C12orf42: variants seen among roughly 807,000 people sequenced by gnomAD.
C12orf42 encodes the protein chromosome 12 open reading frame 42.
A neutral mutation model predicts 21.6 loss-of-function variants in C12orf42; 25 were observed. The observed-to-expected ratio is 1.16, with a 90% confidence interval of 0.84 to 1.62. The LOEUF (loss-of-function observed/expected upper bound fraction) is 1.62, where lower values mean the gene tolerates loss of function less well. Ranked by LOEUF, C12orf42 falls within the 40% of genes most tolerant of loss-of-function variation. The pLI, the probability that C12orf42 is intolerant of heterozygous loss-of-function variation, is 0.00. For missense variants in C12orf42, 483 were observed against 459.3 expected (o/e 1.05, Z -0.47); for synonymous variants, 174 against 175.0 (o/e 0.99, Z 0.05).
intron 2 of C12orf42, among the ~76,000 whole-genome samples, chr12:103,427,396 T>C (rs192403897): frequency 2.0e-5 from 3 of 148,618 alleles, no homozygotes; most frequent in East Asian, 2.0e-4. Context: ...CATTATATCA[T>C]GGTAACGGGA....
intron 2 of C12orf42, among the ~76,000 whole-genome samples, chr12:103,459,049 G>C (rs749365415): frequency 6.6e-6 from 1 of 152,034 alleles, no homozygotes; most frequent in Non-Finnish European, 1.5e-5. Context: ...AAAGAAGAAA[G>C]GGTGTATGGA....
At chr12:103,370,647 C>A (rs1363977435) in intron 3 of C12orf42, among the ~76,000 whole-genome samples, 1 of 152,080 alleles carries the variant, frequency 6.6e-6, no homozygotes, top group Non-Finnish European at 1.5e-5. Flanking sequence ...CTAAATACCA[C>A]ATGTTCTCAC....
At chr12:103,319,204 C>A (rs2039835217) in intron 4 of C12orf42, among the ~76,000 whole-genome samples, 1 of 152,194 alleles carries the variant, frequency 6.6e-6, no homozygotes, top group Admixed American at 6.5e-5. Context: ...ATTCAGGAAA[C>A]CAACCCTTCA....
At chr12:103,294,616 G>GAAAGAAAGAA (rs1555246074) in intron 4 of C12orf42, among the ~76,000 whole-genome samples, 12 of 137,214 alleles carry the variant, frequency 8.7e-5, no homozygotes, top group Non-Finnish European at 1.7e-4. Flanking sequence ...AAGAAAGAAA[G>GAAAGAAAGAA]AAAGAAAGAA....
At chr12:103,434,708 C>T (rs1950535072) in intron 2 of C12orf42, among the ~76,000 whole-genome samples, 3 of 152,206 alleles carry the variant, frequency 2.0e-5, no homozygotes, top group Admixed American at 6.5e-5. Flanking sequence ...TAAAAAACAC[C>T]GCACCACGAG....
At chr12:103,353,255 T>A (rs570436629) in intron 4 of C12orf42, among the ~76,000 whole-genome samples, 21 of 150,848 alleles carry the variant, frequency 1.4e-4, no homozygotes, top group African/African-American at 4.6e-4. Context: ...ATAGAAAATG[T>A]CACCCCTTTT....
At chr12:103,313,575 T>A (rs959705995) in intron 4 of C12orf42, among the ~76,000 whole-genome samples, 20 of 152,160 alleles carry the variant, frequency 1.3e-4, no homozygotes, top group African/African-American at 3.6e-4. Context: ...ATTCATAAAA[T>A]AAAAATAATG....
At chr12:103,239,640 G>T (rs2033636006) in intron 10 of C12orf42, among the ~76,000 whole-genome samples, 1 of 152,152 alleles carries the variant, frequency 6.6e-6, no homozygotes, top group South Asian at 2.1e-4. Context: ...TTGTTAATCT[G>T]GGATCAGTTC....
the C12orf42 span, among the ~76,000 whole-genome samples, chr12:103,156,826 T>G: frequency 6.6e-6 from 1 of 152,238 alleles, no homozygotes; most frequent in Non-Finnish European, 1.5e-5. Flanking sequence ...CATGGCTGCA[T>G]AGTATTCCAT....
At chr12:103,143,132 T>C in the C12orf42 span, among the ~76,000 whole-genome samples, 1 of 152,098 alleles carries the variant, frequency 6.6e-6, no homozygotes, top group Non-Finnish European at 1.5e-5. Context: ...GGGGAAAAAA[T>C]GGGAAAGTAC....
chr12:103,358,616 A>C (rs975319126), intron 4 of C12orf42, among the ~76,000 whole-genome samples: 5 of 151,422 alleles, frequency 3.3e-5, no homozygotes, highest in Non-Finnish European at 5.9e-5. Context: ...CAAACCAAAA[A>C]AAAAAACAAA....
chr12:103,522,489 C>T, the C12orf42 span, among the ~76,000 whole-genome samples: 1 of 152,118 alleles, frequency 6.6e-6, no homozygotes, highest in Non-Finnish European at 1.5e-5. Flanking sequence ...ACAGCACCCT[C>T]ATCTCTCATG....
chr12:103,347,475 T>C (rs112995813), intron 4 of C12orf42, among the ~76,000 whole-genome samples: 25,070 of 152,094 alleles, frequency 0.16, 2,192 homozygotes, highest in South Asian at 0.28. Flanking sequence ...TTGGGTTGGT[T>C]CGAAGTCTTT....
the C12orf42 span, among the ~76,000 whole-genome samples, chr12:103,101,893 C>A: frequency 6.6e-6 from 1 of 152,224 alleles, no homozygotes; most frequent in Admixed American, 6.5e-5. Flanking sequence ...GATGACCTAT[C>A]TCTGCTGCAT....
intron 2 of C12orf42, among the ~76,000 whole-genome samples, chr12:103,435,863 A>C (rs928905047): frequency 2.6e-4 from 40 of 152,052 alleles, no homozygotes; most frequent in African/African-American, 9.7e-4. Flanking sequence ...CCAATCTAGC[A>C]AGGCAGGCCA....
At chr12:103,421,542 C>T (rs1477082193) in intron 2 of C12orf42, among the ~76,000 whole-genome samples, 1 of 151,536 alleles carries the variant, frequency 6.6e-6, no homozygotes, top group Non-Finnish European at 1.5e-5. Context: ...CCACTGCACT[C>T]CAGTCTGGGC....
the C12orf42 span, among the ~76,000 whole-genome samples, chr12:103,177,374 C>T: frequency 6.6e-6 from 1 of 152,180 alleles, no homozygotes; most frequent in Non-Finnish European, 1.5e-5. Context: ...AAAGTTACCC[C>T]TAAGTATCTA....
the C12orf42 span, among the ~76,000 whole-genome samples, chr12:103,119,388 G>GT: frequency 1.3e-5 from 2 of 152,168 alleles, no homozygotes; most frequent in Non-Finnish European, 2.9e-5. Flanking sequence ...TATCAATGTA[G>GT]TTTTTCCCCT....
At chr12:103,149,181 CA>C in the C12orf42 span, among the ~76,000 whole-genome samples, 1 of 151,960 alleles carries the variant, frequency 6.6e-6, no homozygotes, top group Non-Finnish European at 1.5e-5. Context: ...CGTTGATTTT[CA>C]AAAAAATTCC....
Sources: gnomAD v4.1 joint callset for allele counts (sites outside exome capture counted in the v4.1 genomes callset) on GRCh38, gnomAD v4.1.1 for gene constraint, MANE v1.5 for transcripts, NCBI Gene and HGNC (gene_info 2026-07-23, HGNC 2026-07-21) for gene names.